FBXO34: variants seen among roughly 807,000 people sequenced by gnomAD.
FBXO34 encodes F-box only protein 34.
In FBXO34, 12 loss-of-function variants were observed where a neutral mutation model predicts 24.5. That is an observed-to-expected ratio of 0.49 (90% CI 0.31 to 0.79). The LOEUF (loss-of-function observed/expected upper bound fraction) is 0.79, where lower values mean the gene tolerates loss of function less well. FBXO34 is among the 30% of genes least tolerant of loss of function. The probability of loss-of-function intolerance (pLI) is 0.04; values close to 1 mark genes in which losing one functional copy is unlikely to be tolerated. For synonymous variants in FBXO34, 320 were observed against 311.9 expected (o/e 1.03, Z -0.27); for missense variants, 823 against 857.7 (o/e 0.96, Z 0.51).
chr14:55,404,706 C>T, the FBXO34 span, among the ~76,000 whole-genome samples: 1 of 152,160 alleles, frequency 6.6e-6, no homozygotes. Flanking sequence ...CCTTGGTTCA[C>T]TAGAGCACAT....
At chr14:55,424,220 A>G in the FBXO34 span, 54 of 1,613,468 alleles carry the variant, frequency 3.3e-5, no homozygotes, top group South Asian at 5.7e-4. Flanking sequence ...TTACCATTCT[A>G]TAAATAAGAC....
intron 1 of FBXO34, among the ~76,000 whole-genome samples, chr14:55,292,905 C>T (rs773897456): frequency 3.7e-4 from 56 of 151,408 alleles, no homozygotes; most frequent in Non-Finnish European, 4.9e-4. Context: ...TTTTTTGAAA[C>T]GGAGTCTCAC....
In FBXO34 at chr14:55,351,449, A is replaced by T. The variant is rs548280151; in HGVS notation, c.1059A>T (p.Ser353=). 1 of 1,614,182 alleles carries T rather than the reference A, an allele frequency of 6.2e-7. No individual in the cohort carries two copies. The highest frequency in any genetic ancestry group is 2.2e-5 in the East Asian group (1 of 44,884). Residue 353 remains serine (S), a synonymous_variant, in exon 2 of 2, where the codon TCA becomes TCT. Coordinates refer to ENST00000313833, the MANE Select transcript of FBXO34 (RefSeq NM_017943.4). ...VGSVSVDCGP[S]RADRCSPKED... ...CTGTATCTGTGGATTGTGGCCCTTC[A>T]AGAGCTGATCGTTGTTCTCCTAAGG...
chr14:55,358,715 G>A (rs1884554475), intron 3 of FBXO34, among the ~76,000 whole-genome samples: 1 of 152,184 alleles, frequency 6.6e-6, no homozygotes, highest in South Asian at 2.1e-4. Context: ...TGCCTGGTTG[G>A]GGGTAGTAGT....
chr14:55,369,564 G>T, downstream of FBXO34: 1 of 1,391,950 alleles, frequency 7.2e-7, no homozygotes. Context: ...TTACTAGAGT[G>T]TAGTGGGAGA....
rs1396872286 is a variant in FBXO34, at chr14:55,280,690, C to T, written c.-11+9153C>T. Reference sequence around the variant, plus strand: ...TACAGGTGCCCGCCACCTCGCCCGGCTAATTTTTTGTATTTTTAGTAGAGA... The same window carrying T: ...TACAGGTGCCCGCCACCTCGCCCGGTTAATTTTTTGTATTTTTAGTAGAGA... On this transcript the variant is annotated intron_variant, in intron 1 of 1. Transcript: ENST00000313833. 2.0e-5 allele frequency among the ~76,000 whole-genome samples: 3 copies of T among 152,062 alleles called. No homozygotes were observed. The East Asian group carries it at 5.8e-4, about 29-fold the overall frequency.
At chr14:55,369,972 A>C (rs772478901), downstream of FBXO34, 4 of 1,514,938 alleles carry the variant, frequency 2.6e-6, no homozygotes, top group Admixed American at 6.2e-5. Flanking sequence ...ACCATTCTCA[A>C]CACCAGAAAA....
chr14:55,327,866 G>T (rs1883392329), intron 1 of FBXO34, among the ~76,000 whole-genome samples: 1 of 140,928 alleles, frequency 7.1e-6, no homozygotes, highest in South Asian at 2.4e-4. Context: ...CCTTACCACA[G>T]ATCTTAGCAA....
the FBXO34 span, among the ~76,000 whole-genome samples, chr14:55,375,483 G>A: frequency 2.1e-5 from 3 of 145,304 alleles, no homozygotes; most frequent in East Asian, 2.0e-4. Context: ...TTACCACGCC[G>A]GGCTAAATTT....
intron 1 of FBXO34, 112 bp from the exon 2 acceptor site, chr14:55,350,268 TG>T: frequency 1.5e-6 from 1 of 668,332 alleles, no homozygotes; most frequent in Non-Finnish European, 2.3e-6. Flanking sequence ...TTTAATGAAC[TG>T]GTAGAACATG....
chr14:55,428,944 T>C, the FBXO34 span: 2 of 1,614,136 alleles, frequency 1.2e-6, no homozygotes, highest in African/African-American at 2.7e-5. Context: ...CACGAGCATA[T>C]TTTCTTGCTG....
At chr14:55,347,133 T>G (rs1884185624) in intron 1 of FBXO34, among the ~76,000 whole-genome samples, 1 of 152,220 alleles carries the variant, frequency 6.6e-6, no homozygotes, top group Non-Finnish European at 1.5e-5. Context: ...ACCTGCATTT[T>G]ACTTTATTGC....
chr14:55,291,693 A>T (rs1305682768), intron 1 of FBXO34, among the ~76,000 whole-genome samples: 1 of 152,136 alleles, frequency 6.6e-6, no homozygotes, highest in Non-Finnish European at 1.5e-5. Context: ...CAAATTAGAC[A>T]GGTGTAGTGA....
At chr14:55,337,340 A>T (rs1440241782) in intron 1 of FBXO34, among the ~76,000 whole-genome samples, 2 of 152,148 alleles carry the variant, frequency 1.3e-5, no homozygotes, top group Admixed American at 6.5e-5. Flanking sequence ...CTATGGAACA[A>T]TTTTTTGTAA....
chr14:55,395,689 C>T, the FBXO34 span, among the ~76,000 whole-genome samples: 1 of 152,122 alleles, frequency 6.6e-6, no homozygotes, highest in Non-Finnish European at 1.5e-5. Context: ...AGAATAACAG[C>T]CCATTGTTTT....
At chr14:55,335,016 A>G (rs1046630532) in intron 1 of FBXO34, among the ~76,000 whole-genome samples, 1 of 152,184 alleles carries the variant, frequency 6.6e-6, no homozygotes, top group Non-Finnish European at 1.5e-5. Context: ...TGCCTTTTCA[A>G]ACTGGGTTTC....
At chr14:55,386,559 G>C in the FBXO34 span, among the ~76,000 whole-genome samples, 1 of 152,224 alleles carries the variant, frequency 6.6e-6, no homozygotes, top group Non-Finnish European at 1.5e-5. Flanking sequence ...TCCAGTAGAG[G>C]AGAAGGGCAA....
chr14:55,406,764 G>C, the FBXO34 span, among the ~76,000 whole-genome samples: 2 of 152,182 alleles, frequency 1.3e-5, no homozygotes, highest in Non-Finnish European at 2.9e-5. Flanking sequence ...GAGAAAGATG[G>C]AGAGTTAGGT....
At chr14:55,298,911 A>T in intron 1 of FBXO34, 1 of 1,580,814 alleles carries the variant, frequency 6.3e-7, no homozygotes, top group South Asian at 1.1e-5. Context: ...TGCCAACACC[A>T]ATACCGAGGT....
Sources: allele counts gnomAD v4.1 joint callset (sites outside exome capture counted in the v4.1 genomes callset), GRCh38; gene constraint gnomAD v4.1.1; transcripts MANE v1.5; gene names NCBI Gene and HGNC (gene_info 2026-07-23, HGNC 2026-07-21).